The following KCNAB1 variants were observed in gnomAD, a reference collection of about 807,000 sequenced individuals.
KCNAB1 encodes voltage-gated potassium channel subunit beta-1.
In KCNAB1, 35 loss-of-function variants were observed where a neutral mutation model predicts 64.6. The ratio of observed to expected loss-of-function variants is 0.54; its 90% CI spans 0.41 to 0.72. The LOEUF (loss-of-function observed/expected upper bound fraction) is 0.72, where lower values mean the gene tolerates loss of function less well. KCNAB1 is among the 30% of genes least tolerant of loss of function. KCNAB1 has a pLI of 0.00. For missense variants in KCNAB1, 401 were observed against 512.9 expected (o/e 0.78, Z 2.11); for synonymous variants, 177 against 183.8 (o/e 0.96, Z 0.30).
At chr3:156,352,369 C>A (rs1479519097) in intron 1 of KCNAB1, among the ~76,000 whole-genome samples, 1 of 152,234 alleles carries the variant, frequency 6.6e-6, no homozygotes, top group Admixed American at 6.5e-5. Flanking sequence ...TTCCCATCAA[C>A]TCTGAAGGTG....
chr3:156,328,552 T>C (rs1180976341), intron 1 of KCNAB1, among the ~76,000 whole-genome samples: 1 of 152,184 alleles, frequency 6.6e-6, no homozygotes, highest in East Asian at 1.9e-4. Flanking sequence ...TGTAGTTATG[T>C]CGTTATTGTA....
At chr3:156,158,172 AAAATAAAAAAT>A (rs1360388454) in intron 1 of KCNAB1, among the ~76,000 whole-genome samples, 7 of 71,502 alleles carry the variant, frequency 9.8e-5, no homozygotes, top group East Asian at 5.7e-4. Flanking sequence ...CTCAAAAAAA[AAAATAAAAAAT>A]AAATAAATAA....
intron 1 of KCNAB1, among the ~76,000 whole-genome samples, chr3:156,289,712 G>C (rs1245431200): frequency 1.3e-5 from 2 of 152,136 alleles, no homozygotes; most frequent in East Asian, 3.9e-4. Context: ...TGAATGATGA[G>C]ATTCTATAAT....
chr3:156,190,701 T>C (rs1318764093), intron 1 of KCNAB1, among the ~76,000 whole-genome samples: 1 of 152,010 alleles, frequency 6.6e-6, no homozygotes, highest in African/African-American at 2.4e-5. Flanking sequence ...TAAGATTTGT[T>C]TTTTTTTGGA....
chr3:156,396,574 A>G (rs1713478386), intron 1 of KCNAB1, among the ~76,000 whole-genome samples: 1 of 152,184 alleles, frequency 6.6e-6, no homozygotes. Context: ...CAGTGACTCC[A>G]TCCTCTTCCA....
At position 156,153,595 on chromosome 3, in the gene KCNAB1, C is replaced by T. The variant is rs1201961248; in HGVS notation, c.275+32709C>T. Among the ~76,000 whole-genome samples, 3 of 152,306 alleles carry T rather than the reference C, an allele frequency of 2.0e-5. No individual in the cohort carries two copies. The East Asian group carries it at 5.8e-4, about 29-fold the overall frequency. ...GGACTGAGTAAAGCAGACTGCCCTC[C>T]CCACTGTGGTTGGGCGTCATCCAGT... On this transcript the variant is annotated intron_variant, in intron 1 of 13. Coordinates refer to ENST00000490337, the MANE Select transcript of KCNAB1 (RefSeq NM_172160.3).
rs550025351 is a variant in KCNAB1, at chr3:156,176,489, G to C, written c.275+55603G>C. The C allele has an allele frequency of 3.7e-4, 293 of 791,990 alleles. 3 individuals are homozygous for C. In the South Asian group the frequency reaches 3.7e-3, roughly 10 times the overall value. The allele number at this position is 791,990 out of a possible 1,614,324, so 49.1% of individuals were successfully genotyped here. On this transcript the variant is annotated intron_variant, in intron 1 of 13. Transcript: ENST00000490337. ...CTTTAGCGTTTTAACCCTCTTGCCC[G>C]TTTCACTATCCCACACAGCCACAGT... is the stretch of plus-strand genomic sequence containing the variant.
intron 1 of KCNAB1, among the ~76,000 whole-genome samples, chr3:156,267,894 G>C (rs1481122728): frequency 6.6e-6 from 1 of 151,834 alleles, no homozygotes; most frequent in South Asian, 2.1e-4. Context: ...AACAATCCAA[G>C]TATACTCTTA....
chr3:156,493,393 A>G (rs936899549), intron 8 of KCNAB1, among the ~76,000 whole-genome samples: 1 of 152,064 alleles, frequency 6.6e-6, no homozygotes, highest in African/African-American at 2.4e-5. Flanking sequence ...AAATTATATT[A>G]TCCTTTTTGG....
At position 156,303,110 on chromosome 3, in the gene KCNAB1, T is replaced by G. The variant is rs146856269; in HGVS notation, c.276-118506T>G. 2.4e-3 allele frequency among the ~76,000 whole-genome samples: 370 copies of G among 152,334 alleles called. 2 individuals carry two copies. Among genetic ancestry groups the G allele is most frequent in the African/African-American group, 8.6e-3 (359 of 41,586 alleles). On this transcript the variant is annotated intron_variant, in intron 1 of 13. Coordinates refer to ENST00000490337, the MANE Select transcript of KCNAB1 (RefSeq NM_172160.3). ...CACACATTTTCAAATGTTTTAAATC[T>G]GATGTAGTTTCCCCTCTGTGAAGTT...
chr3:156,210,786 A>G (rs1030579727), intron 1 of KCNAB1, among the ~76,000 whole-genome samples: 3 of 152,240 alleles, frequency 2.0e-5, no homozygotes, highest in Non-Finnish European at 2.9e-5. Context: ...AGGCACCTGC[A>G]TCTGGAAGCC....
intron 8 of KCNAB1, among the ~76,000 whole-genome samples, chr3:156,480,084 A>G (rs986246832): frequency 1.3e-5 from 2 of 152,168 alleles, no homozygotes; most frequent in Non-Finnish European, 2.9e-5. Context: ...TAGATATTTA[A>G]CTTCCAAAGT....
chr3:156,431,638 A>G (rs1716217616), intron 2 of KCNAB1, among the ~76,000 whole-genome samples: 1 of 152,244 alleles, frequency 6.6e-6, no homozygotes. Flanking sequence ...AGTTCTTTTC[A>G]GGCGTATTGA....
intron 1 of KCNAB1, among the ~76,000 whole-genome samples, chr3:156,160,415 G>A (rs1716006241): frequency 3.3e-5 from 5 of 152,132 alleles, no homozygotes; most frequent in African/African-American, 1.2e-4. Flanking sequence ...TCAGGAGCAG[G>A]TAGCAACTCT....
intron 1 of KCNAB1, among the ~76,000 whole-genome samples, chr3:156,198,456 A>G (rs1714100854): frequency 6.6e-6 from 1 of 152,094 alleles, no homozygotes; most frequent in African/African-American, 2.4e-5. Context: ...AACTTGTTTT[A>G]TGAATCTGGG....
chr3:156,216,280 G>A (rs1005910173), intron 1 of KCNAB1, among the ~76,000 whole-genome samples: 4 of 152,184 alleles, frequency 2.6e-5, no homozygotes, highest in African/African-American at 9.7e-5. Flanking sequence ...AGTATTTATA[G>A]GGAGGAGGTA....
chr3:156,155,073 A>G (rs1025064688), intron 1 of KCNAB1, among the ~76,000 whole-genome samples: 55 of 152,250 alleles, frequency 3.6e-4, no homozygotes, highest in African/African-American at 1.3e-3. Flanking sequence ...AAACAGGTTC[A>G]TGCAGCCAAA....
Position 156,406,530 on chromosome 3 carries a change from G to A in KCNAB1, c.276-15086G>A, listed in dbSNP as rs1271583564. ...GATTTTGGAGCTGGATCTTGAATAA[G>A]AACATGTGAGAAAAGCACTCCAAGC... On this transcript the variant is annotated intron_variant, in intron 1 of 13. Transcript: ENST00000490337. Among the ~76,000 whole-genome samples the A allele has an allele frequency of 2.0e-5, 3 of 152,080 alleles. No homozygotes were observed. In the East Asian group the frequency reaches 5.8e-4, roughly 29 times the overall value.
intron 1 of KCNAB1, among the ~76,000 whole-genome samples, chr3:156,203,806 A>G (rs1416409760): frequency 3.3e-5 from 5 of 152,212 alleles, no homozygotes; most frequent in Non-Finnish European, 5.9e-5. Flanking sequence ...ATGTTTTTCA[A>G]ATCTTACAGA....
Sources: gnomAD v4.1 joint callset for allele counts (sites outside exome capture counted in the v4.1 genomes callset) on GRCh38, gnomAD v4.1.1 for gene constraint, MANE v1.5 for transcripts, NCBI Gene and HGNC (gene_info 2026-07-23, HGNC 2026-07-21) for gene names.